The following SH3RF3 variants were observed in gnomAD, a reference collection of about 807,000 sequenced individuals.
SH3RF3 encodes the protein SH3 domain containing ring finger 3, also known as E3 ubiquitin-protein ligase SH3RF3.
Under a neutral mutation model 66.3 loss-of-function variants are expected in SH3RF3, and 29 were observed. The observed-to-expected ratio is 0.44, with a 90% confidence interval of 0.33 to 0.60. SH3RF3 has a LOEUF of 0.60. SH3RF3 is among the 20% of genes least tolerant of loss of function. SH3RF3 has a pLI of 0.04. For synonymous variants in SH3RF3, 583 were observed against 532.0 expected (o/e 1.10, Z -1.32); for missense variants, 1,194 against 1,190.9 (o/e 1.00, Z -0.04).
rs141397172 is a variant in SH3RF3, at chr2:109,228,500, A to G, written c.573+98387A>G. Among the ~76,000 whole-genome samples, 70 of 152,296 alleles carry G rather than the reference A, an allele frequency of 4.6e-4. No homozygotes were observed. The East Asian group carries it at 0.013, about 28-fold the overall frequency. ...ATTCTCCAGTTGTTTGCAGATGCCA[A>G]CTGGGTATTCAGTTCAGTTCTGACC... On this transcript the variant is annotated intron_variant, in intron 1 of 9. Transcript: ENST00000309415.
At position 109,296,451 on chromosome 2, in the gene SH3RF3, A is replaced by T. The variant is rs150293068; in HGVS notation, c.574-51223A>T. Among the ~76,000 whole-genome samples the T allele has an allele frequency of 2.3e-3, 348 of 151,884 alleles. 1 individual carries two copies. The highest frequency in any genetic ancestry group is 8.0e-3 in the African/African-American group (331 of 41,348). On this transcript the variant is annotated intron_variant, in intron 1 of 9. Coordinates refer to ENST00000309415, the MANE Select transcript of SH3RF3 (RefSeq NM_001099289.3). The stretch of plus-strand genomic sequence containing the variant: ...GGGATGGGGTTTTACCATGTTGTTC[A>T]AGCTGGTCTCAAACTCCTGATCTCA...
At chr2:109,429,804 T>C (rs980140417) in intron 5 of SH3RF3, among the ~76,000 whole-genome samples, 1 of 152,186 alleles carries the variant, frequency 6.6e-6, no homozygotes, top group African/African-American at 2.4e-5. Flanking sequence ...GGAAGCACGT[T>C]GCACAGGGCC....
intron 1 of SH3RF3, among the ~76,000 whole-genome samples, chr2:109,265,434 C>T (rs1478842809): frequency 6.6e-6 from 1 of 152,224 alleles, no homozygotes; most frequent in Non-Finnish European, 1.5e-5. Context: ...AAATAAGCCC[C>T]ACCCTGACAG....
chr2:109,206,615 C>T (rs948902450), intron 1 of SH3RF3, among the ~76,000 whole-genome samples: 18 of 151,606 alleles, frequency 1.2e-4, no homozygotes, highest in African/African-American at 4.1e-4. Flanking sequence ...CAAGACCAGC[C>T]TGGGAAACAT....
intron 1 of SH3RF3, among the ~76,000 whole-genome samples, chr2:109,143,975 C>T (rs1363955714): frequency 8.5e-5 from 13 of 152,184 alleles, no homozygotes; most frequent in Admixed American, 7.9e-4. Context: ...TGTGTGATCT[C>T]ATTCATATCC....
intron 3 of SH3RF3, among the ~76,000 whole-genome samples, chr2:109,378,879 A>G (rs529502927): frequency 3.4e-4 from 52 of 152,248 alleles, no homozygotes; most frequent in African/African-American, 1.3e-3. Flanking sequence ...GTTCCCTCAT[A>G]TGAATGCCCT....
intron 5 of SH3RF3, among the ~76,000 whole-genome samples, chr2:109,428,458 A>C (rs1454407423): frequency 6.6e-6 from 1 of 152,176 alleles, no homozygotes; most frequent in Non-Finnish European, 1.5e-5. Flanking sequence ...GGGTCAGCCG[A>C]GTCGGCCCAG....
intron 1 of SH3RF3, among the ~76,000 whole-genome samples, chr2:109,234,660 T>C (rs575320140): frequency 6.6e-6 from 1 of 152,372 alleles, no homozygotes; most frequent in Admixed American, 6.5e-5. Context: ...GCTCTGCTTC[T>C]TGTTGATCTC....
chr2:109,252,390 C>T (rs1219426245), intron 1 of SH3RF3, among the ~76,000 whole-genome samples: 1 of 152,094 alleles, frequency 6.6e-6, no homozygotes, highest in East Asian at 1.9e-4. Context: ...ATTTTCTGAA[C>T]TTAATGTTTA....
chr2:109,242,095 G>T (rs573711806), intron 1 of SH3RF3, among the ~76,000 whole-genome samples: 34 of 151,120 alleles, frequency 2.2e-4, no homozygotes, highest in Admixed American at 1.9e-3. Context: ...TGCCACACAG[G>T]GTGGCTCCTC....
chr2:109,149,041 C>A (rs1677168389), intron 1 of SH3RF3, among the ~76,000 whole-genome samples: 1 of 152,186 alleles, frequency 6.6e-6, no homozygotes, highest in African/African-American at 2.4e-5. Flanking sequence ...CTCATTTATT[C>A]ATTTGCTCTT....
chr2:109,158,077 C>CA (rs1338255471), intron 1 of SH3RF3, among the ~76,000 whole-genome samples: 1 of 152,172 alleles, frequency 6.6e-6, no homozygotes, highest in African/African-American at 2.4e-5. Flanking sequence ...GCTGGACTCC[C>CA]ATTTTACAGA....
intron 8 of SH3RF3, among the ~76,000 whole-genome samples, chr2:109,478,157 G>A (rs1250634794): frequency 1.3e-5 from 2 of 152,214 alleles, no homozygotes; most frequent in African/African-American, 2.4e-5. Context: ...CGCCTTTGGG[G>A]CAGGCGATTC....
At chr2:109,273,813 A>AT (rs1680681769) in intron 1 of SH3RF3, among the ~76,000 whole-genome samples, 1 of 152,126 alleles carries the variant, frequency 6.6e-6, no homozygotes. Flanking sequence ...GCTGCTTGAG[A>AT]CCAGGCTCAG....
intron 8 of SH3RF3, among the ~76,000 whole-genome samples, chr2:109,452,331 C>G (rs1677899364): frequency 6.6e-6 from 1 of 152,190 alleles, no homozygotes; most frequent in East Asian, 1.9e-4. Context: ...CTTTGGGCAA[C>G]TTGATCATAG....
chr2:109,276,713 C>T (rs1444230432), intron 1 of SH3RF3, among the ~76,000 whole-genome samples: 1 of 152,144 alleles, frequency 6.6e-6, no homozygotes, highest in Non-Finnish European at 1.5e-5. Context: ...TGTTTTAAAT[C>T]ACATTATTCC....
At chr2:109,345,072 C>T (rs1682653807) in intron 1 of SH3RF3, among the ~76,000 whole-genome samples, 1 of 152,092 alleles carries the variant, frequency 6.6e-6, no homozygotes, top group Non-Finnish European at 1.5e-5. Context: ...AGACAGAATC[C>T]CCGTGACTCA....
At chr2:109,337,454 A>T (rs970821948) in intron 1 of SH3RF3, among the ~76,000 whole-genome samples, 5 of 152,172 alleles carry the variant, frequency 3.3e-5, no homozygotes, top group Non-Finnish European at 7.4e-5. Context: ...GCATATGGCG[A>T]AATGTTTTCC....
At chr2:109,171,677 C>A (rs1161068513) in intron 1 of SH3RF3, among the ~76,000 whole-genome samples, 1 of 152,230 alleles carries the variant, frequency 6.6e-6, no homozygotes, top group Non-Finnish European at 1.5e-5. Context: ...TTAGTCTGGG[C>A]CTTTGGGAGT....
Sources: allele counts gnomAD v4.1 joint callset (sites outside exome capture counted in the v4.1 genomes callset), GRCh38; gene constraint gnomAD v4.1.1; transcripts MANE v1.5; gene names NCBI Gene and HGNC (gene_info 2026-07-23, HGNC 2026-07-21).